ZRANB1: variants seen among roughly 807,000 people sequenced by gnomAD.
The protein encoded by ZRANB1 is ubiquitin thioesterase ZRANB1.
In ZRANB1, 16 loss-of-function variants were observed where a neutral mutation model predicts 80.5. The observed-to-expected ratio is 0.20, with a 90% CI of 0.13 to 0.30. The LOEUF is 0.30. ZRANB1 is among the 10% of genes least tolerant of loss of function. The pLI is 1.00. For synonymous variants in ZRANB1, 291 were observed against 293.1 expected, an observed-to-expected ratio of 0.99 and a Z score of 0.07; for missense variants, 576 against 862.6, an observed-to-expected ratio of 0.67 and a Z score of 4.16.
chr10:124,941,667 T>C (rs1951537549), upstream of ZRANB1, among the ~76,000 whole-genome samples: 1 of 152,172 alleles, frequency 6.6e-6, no homozygotes, highest in Middle Eastern at 3.2e-3. Context: ...AGATTTTGAG[T>C]ATATTTTAAA....
the ZRANB1 span, among the ~76,000 whole-genome samples, chr10:124,916,953 C>T: frequency 1.3e-5 from 2 of 151,952 alleles, no homozygotes; most frequent in Admixed American, 1.3e-4. Flanking sequence ...CGGCCGCCTC[C>T]CACACCTCAG....
intron 5 of ZRANB1, among the ~76,000 whole-genome samples, chr10:124,979,469 T>G (rs1330167582): frequency 6.6e-6 from 1 of 152,220 alleles, no homozygotes; most frequent in Non-Finnish European, 1.5e-5. Context: ...CTGTGGCTTG[T>G]CTTTTCACTT....
At chr10:124,936,191 G>A in the ZRANB1 span, among the ~76,000 whole-genome samples, 1 of 152,264 alleles carries the variant, frequency 6.6e-6, no homozygotes, top group South Asian at 2.1e-4. Context: ...GTTTGTGACA[G>A]GAAGGAGTTG....
At chr10:124,952,778 T>C (rs952309232) in intron 1 of ZRANB1, among the ~76,000 whole-genome samples, 2 of 152,032 alleles carry the variant, frequency 1.3e-5, no homozygotes, top group African/African-American at 4.8e-5. Flanking sequence ...TCCCAGCTAA[T>C]TTTTGTATTT....
chr10:124,923,772 C>T, the ZRANB1 span, among the ~76,000 whole-genome samples: 3 of 151,660 alleles, frequency 2.0e-5, no homozygotes, highest in African/African-American at 7.3e-5. Context: ...CTCCTGAGAA[C>T]TCACTCAGTA....
chr10:124,926,496 T>C, the ZRANB1 span, among the ~76,000 whole-genome samples: 1 of 152,316 alleles, frequency 6.6e-6, no homozygotes, highest in Non-Finnish European at 1.5e-5. Context: ...TATCACTGTC[T>C]TCCACCTGTA....
rs111918785 is a variant in ZRANB1 at position 124,957,056 on chromosome 10, A to G, written c.815-9538A>G. Among the ~76,000 whole-genome samples, 16 of 152,334 alleles carry G rather than the reference A, an allele frequency of 1.1e-4. No individual in the cohort carries two copies. In the East Asian group the frequency reaches 1.7e-3, roughly 17 times the overall value. On this transcript the variant is annotated intron_variant, in intron 1 of 8. Coordinates refer to ENST00000359653, the MANE Select transcript of ZRANB1 (RefSeq NM_017580.3). ...CCAAGAAATTTAATACTGAAAGTCT[A>G]TATTTAGTTTCACCAATAGTTTCAG... is the stretch of plus-strand genomic sequence containing the variant.
At position 124,974,330 on chromosome 10, in the gene ZRANB1, G is replaced by C; in HGVS notation, c.1359G>C (p.Trp453Cys). Residue 453 changes from tryptophan to cysteine, a missense_variant, in exon 5 of 9, where the codon TGG becomes TGC. Around this residue, in one of 3 missense-constraint regions of ZRANB1, gnomAD observed 411 missense variants for 583.1 expected, o/e 0.70. Coordinates refer to ENST00000359653, the MANE Select transcript of ZRANB1 (RefSeq NM_017580.3). ...CLLDSVLQAT[W>C]GIYDKDSVLR... ...TTGATTCAGTTCTACAAGCTACCTGGGGCATCTATGACAAGGACTCAGTGC... is the reference window on the plus strand; with the variant it reads ...TTGATTCAGTTCTACAAGCTACCTGCGGCATCTATGACAAGGACTCAGTGC... The C allele has an allele frequency of 6.2e-7, 1 of 1,614,230 alleles. No individual in the cohort carries two copies. The highest frequency in any genetic ancestry group is 8.5e-7 in the Non-Finnish European group (1 of 1,180,040).
chr10:124,917,405 G>T, the ZRANB1 span: 1 of 151,182 alleles, frequency 6.6e-6, no homozygotes, highest in African/African-American at 2.4e-5. Flanking sequence ...CAGGCGCGGG[G>T]AGGGCAGGGG....
the ZRANB1 span, among the ~76,000 whole-genome samples, chr10:124,927,924 C>T: frequency 6.6e-6 from 1 of 152,190 alleles, no homozygotes; most frequent in Non-Finnish European, 1.5e-5. Context: ...ATAATCCCAG[C>T]TTCTTGGGAG....
intron 6 of ZRANB1, 80 bp downstream of exon 6, chr10:124,981,909 T>A (rs1008109274): frequency 1.3e-6 from 2 of 1,549,364 alleles, no homozygotes; most frequent in African/African-American, 2.8e-5. Context: ...GCAAACCATG[T>A]TGGGGGCAAT....
At chr10:124,946,872 G>C (rs1951589826) in intron 1 of ZRANB1, among the ~76,000 whole-genome samples, 1 of 152,094 alleles carries the variant, frequency 6.6e-6, no homozygotes, top group Non-Finnish European at 1.5e-5. Context: ...ATGTTCCCCA[G>C]ATTTCATTAG....
the ZRANB1 span, among the ~76,000 whole-genome samples, chr10:124,924,830 A>G: frequency 6.6e-6 from 1 of 151,476 alleles, no homozygotes; most frequent in Non-Finnish European, 1.5e-5. Flanking sequence ...TACAGATGGA[A>G]TTGCTGGGTC....
At chr10:124,932,842 C>T in the ZRANB1 span, among the ~76,000 whole-genome samples, 28 of 152,150 alleles carry the variant, frequency 1.8e-4, no homozygotes, top group South Asian at 5.2e-3. Flanking sequence ...GGATTATAGG[C>T]GCGAGCCACC....
intron 1 of ZRANB1, among the ~76,000 whole-genome samples, chr10:124,965,339 A>T (rs1951767903): frequency 6.6e-6 from 1 of 152,124 alleles, no homozygotes; most frequent in Non-Finnish European, 1.5e-5. Context: ...GCAGGGGGTC[A>T]TTTTTTTGAG....
chr10:124,978,053 A>C (rs904367509), intron 5 of ZRANB1, among the ~76,000 whole-genome samples: 1 of 152,286 alleles, frequency 6.6e-6, no homozygotes, highest in Middle Eastern at 3.4e-3. Context: ...AGACATCCTT[A>C]CAGTATTGGG....
upstream of ZRANB1, among the ~76,000 whole-genome samples, chr10:124,938,174 CT>C (rs1951504173): frequency 6.6e-6 from 1 of 152,044 alleles, no homozygotes; most frequent in Non-Finnish European, 1.5e-5. Flanking sequence ...ATTTTATGTA[CT>C]TTTTGGAATG....
chr10:124,983,622 C>A lies in ZRANB1; in HGVS notation c.1842C>A (p.Ile614=). 1.2e-6 allele frequency: 2 copies of A among 1,613,628 alleles called. No individual in the cohort carries two copies. The highest frequency in any genetic ancestry group is 1.7e-6 in the Non-Finnish European group (2 of 1,179,736). ...TCAATACCGATGATGATGTCACCATCACATTTTTGCCTCTGGTTGACAGTG... is the reference window on the plus strand; with the variant it reads ...TCAATACCGATGATGATGTCACCATAACATTTTTGCCTCTGGTTGACAGTG... ...ANLNTDDDVT[I]TFLPLVDSER... The change falls in exon 8 of 9, where the codon ATC becomes ATA. Residue 614 remains isoleucine, a synonymous_variant. Transcript: ENST00000359653. This position sits in a 1 kb window ranked among gnomAD's most constrained non-coding sequence, Gnocchi z 6.2.
chr10:124,931,127 G>A, the ZRANB1 span, among the ~76,000 whole-genome samples: 1 of 152,152 alleles, frequency 6.6e-6, no homozygotes, highest in Non-Finnish European at 1.5e-5. Flanking sequence ...CTTGGCTGTA[G>A]TGCAGTGGTG....
Sources: allele counts gnomAD v4.1 joint callset (sites outside exome capture counted in the v4.1 genomes callset), GRCh38; gene constraint gnomAD v4.1.1; regional missense constraint gnomAD v4.1.1; non-coding constraint Gnocchi (gnomAD v3.1); transcripts MANE v1.5; gene names NCBI Gene and HGNC (gene_info 2026-07-23, HGNC 2026-07-21).